FHIT: variants seen among roughly 807,000 people sequenced by gnomAD.
The protein encoded by FHIT is bis(5'-adenosyl)-triphosphatase.
A neutral mutation model predicts 17.9 loss-of-function variants in FHIT; 19 were observed. The ratio of observed to expected loss-of-function variants is 1.06; its 90% CI spans 0.74 to 1.56. The LOEUF is 1.56. Among genes scored for constraint, FHIT ranks in the 40% most tolerant of loss-of-function variants. The pLI is 0.00. For missense variants in FHIT, 248 were observed against 189.2 expected, an observed-to-expected ratio of 1.31 and a Z score of -1.82; for synonymous variants, 81 against 69.7, an observed-to-expected ratio of 1.16 and a Z score of -0.81.
chr3:61,070,199 C>A (rs773329266), intron 2 of FHIT, among the ~76,000 whole-genome samples: 5 of 152,170 alleles, frequency 3.3e-5, no homozygotes, highest in Non-Finnish European at 5.9e-5. Context: ...TGACCAGGAA[C>A]CACCATTTTG....
chr3:61,034,398 T>C (rs1316783217), intron 3 of FHIT, among the ~76,000 whole-genome samples: 3 of 152,000 alleles, frequency 2.0e-5, no homozygotes, highest in Non-Finnish European at 4.4e-5. Context: ...ATATACAGTA[T>C]AAGAAATTCT....
rs1000129549 is a variant in FHIT, at chr3:61,064,011, C to G, written c.-163-21912G>C. Among the ~76,000 whole-genome samples the G allele has an allele frequency of 2.0e-5, 3 of 152,220 alleles. No individual in the cohort carries two copies. In the South Asian group the frequency reaches 6.2e-4, roughly 32 times the overall value. ...TCCTTGCTAACATACCTTGATCTTTCTCAGGTACCTGCAGGTGGTAGTGTG... is the reference window on the plus strand; with the variant it reads ...TCCTTGCTAACATACCTTGATCTTTGTCAGGTACCTGCAGGTGGTAGTGTG... On this transcript the variant is annotated intron_variant, in intron 2 of 9. Transcript: ENST00000492590.
chr3:60,665,706 T>G (rs1397932511), intron 4 of FHIT, among the ~76,000 whole-genome samples: 1 of 152,094 alleles, frequency 6.6e-6, no homozygotes, highest in Non-Finnish European at 1.5e-5. Flanking sequence ...TACAGTTAGA[T>G]TATGTTCTAT....
chr3:61,088,536 A>G (rs1314331470), intron 2 of FHIT, among the ~76,000 whole-genome samples: 1 of 152,192 alleles, frequency 6.6e-6, no homozygotes, highest in Non-Finnish European at 1.5e-5. Context: ...GTATAGATGT[A>G]AACTTCAAAA....
intron 4 of FHIT, among the ~76,000 whole-genome samples, chr3:60,546,231 T>C (rs1310591263): frequency 6.6e-6 from 1 of 152,202 alleles, no homozygotes; most frequent in Non-Finnish European, 1.5e-5. Flanking sequence ...TTTTCGTTTG[T>C]TTCACTTCAC....
chr3:59,972,656 G>C (rs1165106120), intron 7 of FHIT, among the ~76,000 whole-genome samples: 1 of 152,064 alleles, frequency 6.6e-6, no homozygotes, highest in Non-Finnish European at 1.5e-5. Flanking sequence ...TGAGTTCACA[G>C]CTTAAAGTCT....
intron 2 of FHIT, among the ~76,000 whole-genome samples, chr3:61,179,917 G>C (rs930207755): frequency 6.6e-6 from 1 of 152,066 alleles, no homozygotes; most frequent in Admixed American, 6.6e-5. Flanking sequence ...AATTCATCAA[G>C]ATGTACAACT....
At chr3:60,771,317 A>T (rs991797936) in intron 4 of FHIT, among the ~76,000 whole-genome samples, 7 of 152,202 alleles carry the variant, frequency 4.6e-5, no homozygotes, top group African/African-American at 1.4e-4. Context: ...CTGTTCAACA[A>T]TCATTTTGTC....
chr3:60,540,768 G>C (rs1007529195), intron 4 of FHIT, among the ~76,000 whole-genome samples: 1 of 152,018 alleles, frequency 6.6e-6, no homozygotes, highest in Non-Finnish European at 1.5e-5. Context: ...ACTTACTATG[G>C]ACACACCCAC....
intron 4 of FHIT, among the ~76,000 whole-genome samples, chr3:60,819,038 C>CTTTTTTTTTTTTTTTTTTTTTG (rs1282544271): frequency 9.8e-6 from 1 of 102,186 alleles, no homozygotes; most frequent in Non-Finnish European, 2.2e-5. Flanking sequence ...TTTTTCTTTT[C>CTTTTTTTTTTTTTTTTTTTTTG]TTTTTTTTTT....
intron 5 of FHIT, among the ~76,000 whole-genome samples, chr3:60,436,176 T>C (rs371061077): frequency 2.0e-5 from 3 of 152,218 alleles, no homozygotes; most frequent in African/African-American, 7.2e-5. Context: ...GCTTCCCAAG[T>C]AGCTGGAATT....
At chr3:60,909,997 G>C (rs1389252096) in intron 3 of FHIT, among the ~76,000 whole-genome samples, 1 of 152,180 alleles carries the variant, frequency 6.6e-6, no homozygotes, top group African/African-American at 2.4e-5. Flanking sequence ...ATCTATAAGA[G>C]TAGGTGAGAA....
At chr3:61,061,128 C>T (rs2034413107) in intron 2 of FHIT, among the ~76,000 whole-genome samples, 1 of 152,150 alleles carries the variant, frequency 6.6e-6, no homozygotes, top group Admixed American at 6.5e-5. Context: ...GAATTAAATA[C>T]AGGACTTGTT....
intron 7 of FHIT, among the ~76,000 whole-genome samples, chr3:60,001,043 C>A (rs903096446): frequency 6.6e-6 from 1 of 152,196 alleles, no homozygotes; most frequent in Non-Finnish European, 1.5e-5. Context: ...TCAGTGACCA[C>A]CCCATCTAAA....
chr3:60,888,923 T>A (rs1705362116), intron 3 of FHIT, among the ~76,000 whole-genome samples: 1 of 152,246 alleles, frequency 6.6e-6, no homozygotes, highest in African/African-American at 2.4e-5. Flanking sequence ...GATTTCACCA[T>A]GTTAGATATA....
intron 2 of FHIT, among the ~76,000 whole-genome samples, chr3:61,126,866 G>C (rs1256148889): frequency 2.6e-5 from 4 of 152,028 alleles, no homozygotes; most frequent in African/African-American, 9.7e-5. Context: ...GAGAGAGCAA[G>C]CCCTACTGTA....
intron 8 of FHIT, among the ~76,000 whole-genome samples, chr3:59,845,002 G>A (rs540248142): frequency 6.6e-6 from 1 of 152,240 alleles, no homozygotes; most frequent in African/African-American, 2.4e-5. Context: ...CAGTGTTCAT[G>A]ACTTAGTCTC....
chr3:59,886,743 G>A (rs1271066009), intron 8 of FHIT, among the ~76,000 whole-genome samples: 1 of 152,042 alleles, frequency 6.6e-6, no homozygotes, highest in Non-Finnish European at 1.5e-5. Flanking sequence ...TCCAATATTG[G>A]GGATGAAATT....
At chr3:61,068,389 C>T (rs2034687669) in intron 2 of FHIT, among the ~76,000 whole-genome samples, 1 of 152,158 alleles carries the variant, frequency 6.6e-6, no homozygotes, top group South Asian at 2.1e-4. Context: ...GAGGTTGACC[C>T]CTCCTTCCAT....
Sources: allele counts gnomAD v4.1 joint callset (sites outside exome capture counted in the v4.1 genomes callset), GRCh38; gene constraint gnomAD v4.1.1; transcripts MANE v1.5; gene names NCBI Gene and HGNC (gene_info 2026-07-23, HGNC 2026-07-21).